DIAPH2: variants seen among roughly 807,000 people sequenced by gnomAD.
DIAPH2 encodes diaphanous related formin 2.
Under a neutral mutation model 92.7 loss-of-function variants are expected in DIAPH2, and 35 were observed. That is an observed-to-expected ratio of 0.38 (90% CI 0.29 to 0.50). DIAPH2 has a LOEUF of 0.50. DIAPH2 is among the 20% of genes least tolerant of loss of function. The probability of loss-of-function intolerance (pLI) is 0.94; values close to 1 mark genes in which losing one functional copy is unlikely to be tolerated. For synonymous variants in DIAPH2, 301 were observed against 280.4 expected (o/e 1.07, Z -0.73); for missense variants, 701 against 819.5 (o/e 0.86, Z 1.77).
At position 97,267,359 on chromosome X, in the gene DIAPH2, T is replaced by C. The variant is rs143466508; in HGVS notation, c.2844+19520T>C. ...CACATACTCTTTTTGCATAATATTT[T>C]AATCCATTAAAATGTGTCTTTTTCT... On this transcript the variant is annotated intron_variant, in intron 23 of 26. Transcript: ENST00000324765. Among the ~76,000 whole-genome samples, 859 of 111,963 alleles carry C rather than the reference T, an allele frequency of 7.7e-3. 8 individuals are homozygous for C. The highest frequency in any genetic ancestry group is 0.025 in the African/African-American group (768 of 30,770).
chrX:96,754,798 C>T (rs1396727061), intron 3 of DIAPH2, among the ~76,000 whole-genome samples: 2 of 107,654 alleles, frequency 1.9e-5, no homozygotes, highest in Non-Finnish European at 3.8e-5. Context: ...GTGGTGCGTG[C>T]CTGTAATCCC....
At chrX:97,195,572 A>T (rs1251710148) in intron 22 of DIAPH2, among the ~76,000 whole-genome samples, 1 of 108,761 alleles carries the variant, frequency 9.2e-6, no homozygotes, top group Admixed American at 9.9e-5. Flanking sequence ...GAGACAGGAG[A>T]ATCGCTTGAA....
At chrX:96,961,230 G>T (rs1231517576) in intron 16 of DIAPH2, among the ~76,000 whole-genome samples, 1 of 110,160 alleles carries the variant, frequency 9.1e-6, no homozygotes, top group Admixed American at 9.6e-5. Flanking sequence ...TTTCTTTACT[G>T]GGGGGACTTT....
chrX:97,551,726 G>A (rs1294641647), intron 26 of DIAPH2, among the ~76,000 whole-genome samples: 1 of 111,067 alleles, frequency 9.0e-6, no homozygotes, highest in Non-Finnish European at 1.9e-5. Context: ...ACTATTTTTA[G>A]GAGGATCTAG....
intron 26 of DIAPH2, among the ~76,000 whole-genome samples, chrX:97,494,724 A>C (rs2055264102): frequency 1.8e-5 from 2 of 111,751 alleles, no homozygotes; most frequent in Non-Finnish European, 3.8e-5. Context: ...GTGTGGGAGG[A>C]TTCCTAATTA....
intron 23 of DIAPH2, among the ~76,000 whole-genome samples, chrX:97,340,287 A>G (rs2069101608): frequency 9.0e-6 from 1 of 111,575 alleles, no homozygotes; most frequent in African/African-American, 3.3e-5. Context: ...GTCACCCTAA[A>G]TATGGCCATA....
intron 10 of DIAPH2, among the ~76,000 whole-genome samples, chrX:96,933,235 A>G (rs889352011): frequency 7.2e-5 from 8 of 111,109 alleles, no homozygotes; most frequent in Non-Finnish European, 1.3e-4. Flanking sequence ...GAAAAAAAAA[A>G]TCCTCCGCAG....
rs202046146 is a variant in DIAPH2, at chrX:97,312,345, C to CATTTTTTTTTTTTTTTTTTTTTTTTTT, written c.2845-35771_2845-35770insATTTTTTTTTTTTTTTTTTTTTTTTTT. Among the ~76,000 whole-genome samples, 4 of 54,945 alleles carry CATTTTTTTTTTTTTTTTTTTTTTTTTT rather than the reference C, an allele frequency of 7.3e-5. 1 individual carries two copies. Among genetic ancestry groups the CATTTTTTTTTTTTTTTTTTTTTTTTTT allele is most frequent in the Admixed American group, 2.7e-4 (1 of 3,655 alleles). 47.7% of individuals were successfully genotyped at this position (54,945 alleles called of 115,157 possible). ...TTGATCACTTTTGATCAATAGAATC[C>CATTTTTTTTTTTTTTTTTTTTTTTTTT]TTTTTTTTTTTTTTTTTTTTTTTTT... On this transcript the variant is annotated intron_variant, in intron 23 of 26. Coordinates refer to ENST00000324765, the MANE Select transcript of DIAPH2 (RefSeq NM_006729.5).
intron 26 of DIAPH2, among the ~76,000 whole-genome samples, chrX:97,499,545 C>G (rs1051518062): frequency 9.0e-6 from 1 of 111,646 alleles, no homozygotes; most frequent in Non-Finnish European, 1.9e-5. Flanking sequence ...TTGGAGATTT[C>G]TCAGAGAACT....
At chrX:97,451,450 T>C (rs1453184139) in intron 26 of DIAPH2, among the ~76,000 whole-genome samples, 1 of 111,698 alleles carries the variant, frequency 9.0e-6, no homozygotes, top group Non-Finnish European at 1.9e-5. Context: ...AGATATCTTC[T>C]AGTATTCATC....
chrX:96,843,096 C>T (rs776473123), intron 4 of DIAPH2, among the ~76,000 whole-genome samples: 24 of 111,237 alleles, frequency 2.2e-4, no homozygotes, highest in Non-Finnish European at 3.4e-4. Context: ...ATCATGGGAG[C>T]GTTTTTCTCA....
At chrX:97,129,141 CT>C (rs1357716663) in intron 21 of DIAPH2, among the ~76,000 whole-genome samples, 1 of 75,252 alleles carries the variant, frequency 1.3e-5, no homozygotes, top group Non-Finnish European at 2.5e-5. Context: ...CTTTTCTTTT[CT>C]TTTCTTTCTT....
rs758196935 is a variant in DIAPH2 at position 96,742,670 on chromosome X, CT to C, written c.342+3922del. Among the ~76,000 whole-genome samples, 278 of 100,798 alleles carry C rather than the reference CT, an allele frequency of 2.8e-3. 1 individual carries two copies. Among genetic ancestry groups the C allele is most frequent in the African/African-American group, 5.5e-3 (155 of 28,016 alleles). 87.5% of individuals were successfully genotyped at this position (100,798 alleles called of 115,157 possible). On this transcript the variant is annotated intron_variant, in intron 3 of 26. Transcript: ENST00000324765. ...CAATGATTCCTGTTAGTTTTTCTTT[CT>C]TTTTTTTTTTTTTGAGATGGAGTCT...
chrX:96,910,587 A>G (rs1018006043), intron 5 of DIAPH2, among the ~76,000 whole-genome samples: 1 of 111,195 alleles, frequency 9.0e-6, no homozygotes, highest in Non-Finnish European at 1.9e-5. Context: ...ATAAGTCTAT[A>G]TATTGATTTA....
intron 25 of DIAPH2, among the ~76,000 whole-genome samples, chrX:97,424,905 A>G (rs772162638): frequency 1.8e-5 from 2 of 111,948 alleles, no homozygotes; most frequent in East Asian, 5.6e-4. Context: ...GATTACAGGC[A>G]TGAGCCACTG....
chrX:97,575,851 G>A (rs2071396875), intron 26 of DIAPH2, among the ~76,000 whole-genome samples: 3 of 111,955 alleles, frequency 2.7e-5, no homozygotes, highest in Middle Eastern at 4.6e-3. Flanking sequence ...TTAAAATATG[G>A]GAAAGGGCAA....
At chrX:96,888,416 G>A (rs959741471) in intron 5 of DIAPH2, among the ~76,000 whole-genome samples, 5 of 105,902 alleles carry the variant, frequency 4.7e-5, no homozygotes, top group Non-Finnish European at 9.6e-5. Flanking sequence ...TGACATATAG[G>A]CATTTTTAAT....
intron 24 of DIAPH2, among the ~76,000 whole-genome samples, chrX:97,368,657 C>T (rs532099326): frequency 5.5e-4 from 59 of 107,684 alleles, no homozygotes; most frequent in African/African-American, 1.9e-3. Flanking sequence ...CATAAATTAA[C>T]CACAGCTCTT....
chrX:97,283,951 T>TAATAA (rs1263435045), intron 23 of DIAPH2, among the ~76,000 whole-genome samples: 2 of 111,568 alleles, frequency 1.8e-5, no homozygotes, highest in South Asian at 3.7e-4. Context: ...TCAAAAAAAA[T>TAATAA]AATAAAATAA....
Sources: allele counts gnomAD v4.1 joint callset (sites outside exome capture counted in the v4.1 genomes callset), GRCh38; gene constraint gnomAD v4.1.1; transcripts MANE v1.5; gene names NCBI Gene and HGNC (gene_info 2026-07-23, HGNC 2026-07-21).